The following FANCL variants were observed in gnomAD, a reference collection of about 807,000 sequenced individuals.
FANCL encodes the protein FA complementation group L.
In FANCL, 69 loss-of-function variants were observed where a neutral mutation model predicts 59.4. The observed-to-expected ratio is 1.16, with a 90% CI of 0.96 to 1.42. FANCL has a LOEUF of 1.42. Ranked by LOEUF, FANCL falls within the 40% of genes most tolerant of loss-of-function variation. The pLI, the probability that FANCL is intolerant of heterozygous loss-of-function variation, is 0.00. For synonymous variants in FANCL, 180 were observed against 147.1 expected (o/e 1.22, Z -1.62); for missense variants, 519 against 447.2 (o/e 1.16, Z -1.45).
chr2:58,192,679 A>T lies in FANCL; in HGVS notation c.540+5915T>A, dbSNP rs140428291. On this transcript the variant is annotated intron_variant, in intron 7 of 13. Transcript: ENST00000233741. Reference sequence around the variant, plus strand: ...TGGAGTGAGGGTAGGTGGAGAAAACAACAAACTCCTCATTATCTACGGTGG... The same window carrying T: ...TGGAGTGAGGGTAGGTGGAGAAAACTACAAACTCCTCATTATCTACGGTGG... Among the ~76,000 whole-genome samples, 936 of 152,082 alleles carry T rather than the reference A, an allele frequency of 6.2e-3. 10 individuals carry two copies. Among genetic ancestry groups the T allele is most frequent in the African/African-American group, 0.022 (900 of 41,550 alleles).
chr2:58,191,570 A>C (rs1688922382), intron 7 of FANCL, among the ~76,000 whole-genome samples: 1 of 151,872 alleles, frequency 6.6e-6, no homozygotes, highest in Non-Finnish European at 1.5e-5. Context: ...ATTTTTCATT[A>C]ATCATCCCTA....
chr2:58,187,875 C>A (rs987388584), intron 7 of FANCL, among the ~76,000 whole-genome samples: 10 of 152,090 alleles, frequency 6.6e-5, no homozygotes, highest in Non-Finnish European at 1.2e-4. Context: ...ATTTTCCAGT[C>A]TAGCTTCTAA....
At chr2:58,184,745 C>T (rs936718061) in intron 7 of FANCL, among the ~76,000 whole-genome samples, 1 of 152,024 alleles carries the variant, frequency 6.6e-6, no homozygotes, top group African/African-American at 2.4e-5. Context: ...AATGCAGAAG[C>T]CTCTCAGCTA....
chr2:58,193,501 G>A (rs1573652678), intron 7 of FANCL, among the ~76,000 whole-genome samples: 2 of 152,088 alleles, frequency 1.3e-5, no homozygotes, highest in South Asian at 2.1e-4. Flanking sequence ...TGACTGCTAC[G>A]CTTATACTTT....
intron 3 of FANCL, among the ~76,000 whole-genome samples, chr2:58,229,226 C>T (rs755860411): frequency 6.6e-6 from 1 of 152,046 alleles, no homozygotes; most frequent in Non-Finnish European, 1.5e-5. Context: ...ATTCTAAAAA[C>T]TATTTTTCTA....
At position 58,226,778 on chromosome 2, in the gene FANCL, G is replaced by A. The variant is rs1693048371; in HGVS notation, c.223C>T (p.Gln75Ter). Residue 75 changes from glutamine to a stop codon, truncating the protein, a stop_gained, in exon 4 of 14, where the codon CAG (glutamine) becomes TAG (stop). Coordinates refer to ENST00000233741, the MANE Select transcript of FANCL (RefSeq NM_018062.4). LOFTEE classifies it high-confidence loss of function. The stretch of plus-strand genomic sequence containing the variant: ...AAGCTCATTAGATCAGGAGAGTGCT[G>A]CATTCTCTAGATCAAAATATTTCCA... ...GYHRIVQQRMQHSPDLMSFMM... is the reference protein window; with the variant it reads ...GYHRIVQQRM 1.2e-6 allele frequency: 2 copies of A among 1,611,826 alleles called. No homozygotes were observed. The highest frequency in any genetic ancestry group is 8.5e-7 in the Non-Finnish European group (1 of 1,178,400).
At chr2:58,172,074 C>A (rs1217518752) in intron 7 of FANCL, among the ~76,000 whole-genome samples, 1 of 152,230 alleles carries the variant, frequency 6.6e-6, no homozygotes, top group Non-Finnish European at 1.5e-5. Flanking sequence ...CCCAGGCTAG[C>A]TTAGGAAAAC....
At position 58,204,139 on chromosome 2, in the gene FANCL, C is replaced by A. The variant is rs1225240998; in HGVS notation, c.462G>T (p.Leu154Phe). 6.2e-6 allele frequency: 10 copies of A among 1,612,342 alleles called. No homozygotes were observed. The highest frequency in any genetic ancestry group is 8.5e-6 in the Non-Finnish European group (10 of 1,178,690). Reference protein sequence around the residue: ...SGREHLITLKLKAKYPAESPD... With the variant: ...SGREHLITLKFKAKYPAESPD... ...TTAACGAGGCACATACCTTTGCCTT[C>A]AACTTGAGAGTGATTAAATGCTCTC... The change falls in exon 6 of 14, where the codon TTG (leucine) becomes TTT (phenylalanine). Residue 154 changes from leucine to phenylalanine, a missense_variant. Transcript: ENST00000233741.
chr2:58,176,533 G>C (rs1475716362), intron 7 of FANCL, among the ~76,000 whole-genome samples: 1 of 152,168 alleles, frequency 6.6e-6, no homozygotes, highest in Non-Finnish European at 1.5e-5. Flanking sequence ...ATGGGGAAAG[G>C]ATTCCCTATT....
At position 58,240,306 on chromosome 2, in the gene FANCL, T is replaced by C. The variant is rs191055541; in HGVS notation, c.96+912A>G. ...GTGATGGTCATATGGTAATTCCACA[T>C]ATACTCAAAGACTATGCGTGATGGT... is the stretch of plus-strand genomic sequence containing the variant. On this transcript the variant is annotated intron_variant, in intron 1 of 13. Coordinates refer to ENST00000233741, the MANE Select transcript of FANCL (RefSeq NM_018062.4). Among the ~76,000 whole-genome samples, 16 of 152,272 alleles carry C rather than the reference T, an allele frequency of 1.1e-4. No individual in the cohort carries two copies. The East Asian group carries it at 2.7e-3, about 26-fold the overall frequency.
chr2:58,160,193 AAGATAAAGG>A lies in FANCL; in HGVS notation c.1021-23_1021-15del. On this transcript the variant is annotated splice_polypyrimidine_tract_variant and intron_variant, in intron 12 of 13. Transcript: ENST00000233741. ...TCCTCTCAGCCACTGCAAATTTTAAAAGATAAAGGAGAAGCGTCAGCATGATTACAAATT... is the reference window on the plus strand; with the variant it reads ...TCCTCTCAGCCACTGCAAATTTTAAAAGAAGCGTCAGCATGATTACAAATT... The A allele has an allele frequency of 6.2e-7, 1 of 1,611,722 alleles. No individual in the cohort carries two copies. Among genetic ancestry groups the A allele is most frequent in the Non-Finnish European group, 8.5e-7 (1 of 1,178,066 alleles).
At chr2:58,199,052 C>T (rs1292704548) in intron 6 of FANCL, among the ~76,000 whole-genome samples, 1 of 146,610 alleles carries the variant, frequency 6.8e-6, no homozygotes, top group Admixed American at 6.8e-5. Flanking sequence ...AAAAGAAAAA[C>T]GAGATATATT....
intron 1 of FANCL, among the ~76,000 whole-genome samples, chr2:58,234,435 G>T (rs762451147): frequency 1.2e-4 from 18 of 151,420 alleles, no homozygotes; most frequent in Non-Finnish European, 2.4e-4. Context: ...GTCATAAAGG[G>T]CAAAGAAAAA....
intron 7 of FANCL, among the ~76,000 whole-genome samples, chr2:58,195,754 T>C (rs1242339034): frequency 2.0e-5 from 3 of 152,140 alleles, no homozygotes. Flanking sequence ...TATAAACTTA[T>C]AAGAAGGTCA....
intron 7 of FANCL, among the ~76,000 whole-genome samples, chr2:58,181,617 C>A (rs924681734): frequency 6.6e-6 from 1 of 151,836 alleles, no homozygotes; most frequent in African/African-American, 2.4e-5. Flanking sequence ...CTAAAAATGG[C>A]TGGATTTATG....
At chr2:58,171,805 C>T (rs141947791) in intron 7 of FANCL, among the ~76,000 whole-genome samples, 2,116 of 152,320 alleles carry the variant, frequency 0.014, 47 homozygotes, top group African/African-American at 0.047. Context: ...GGACGAGGCA[C>T]TGCCTCCCTC....
At chr2:58,227,732 G>A (rs1406407844) in intron 3 of FANCL, among the ~76,000 whole-genome samples, 1 of 152,182 alleles carries the variant, frequency 6.6e-6, no homozygotes, top group Non-Finnish European at 1.5e-5. Context: ...GCAGGCCAGG[G>A]TGGTCTTGGG....
At chr2:58,212,083 C>A (rs1200249137) in intron 5 of FANCL, among the ~76,000 whole-genome samples, 1 of 152,178 alleles carries the variant, frequency 6.6e-6, no homozygotes, top group African/African-American at 2.4e-5. Context: ...TGTTTTCATG[C>A]TGCTGATAAA....
intron 6 of FANCL, among the ~76,000 whole-genome samples, chr2:58,199,052 C>A (rs1292704548): frequency 1.4e-4 from 21 of 146,630 alleles, no homozygotes; most frequent in African/African-American, 5.3e-4. Context: ...AAAAGAAAAA[C>A]GAGATATATT....
Sources: gnomAD v4.1 joint callset for allele counts (sites outside exome capture counted in the v4.1 genomes callset) on GRCh38, gnomAD v4.1.1 for gene constraint, MANE v1.5 for transcripts, NCBI Gene and HGNC (gene_info 2026-07-23, HGNC 2026-07-21) for gene names.